Variants in PKP4 observed in about 807,000 individuals in gnomAD.
PKP4 encodes the protein plakophilin-4.
PKP4 carries 90 observed loss-of-function variants against 145.1 expected under a neutral mutation model. That is an observed-to-expected ratio of 0.62 (90% CI 0.52 to 0.74). The LOEUF is 0.74. Ranked by LOEUF, PKP4 falls within the 30% of genes least tolerant of loss-of-function variation. The probability of loss-of-function intolerance (pLI) is 0.00; values close to 1 mark genes in which losing one functional copy is unlikely to be tolerated. For missense variants in PKP4, 1,340 were observed against 1,482.7 expected (o/e 0.90, Z 1.58); for synonymous variants, 563 against 577.2 (o/e 0.98, Z 0.35).
At chr2:158,613,576 A>G (rs2051324751) in intron 4 of PKP4, among the ~76,000 whole-genome samples, 1 of 152,184 alleles carries the variant, frequency 6.6e-6, no homozygotes. Context: ...TTGGACAGCA[A>G]TAGTGTTAAA....
intron 1 of PKP4, among the ~76,000 whole-genome samples, chr2:158,487,724 A>G (rs1386774274): frequency 6.6e-6 from 1 of 151,176 alleles, no homozygotes; most frequent in Non-Finnish European, 1.5e-5. Context: ...GTACTGGACC[A>G]TTGCCCAGCA....
intron 3 of PKP4, among the ~76,000 whole-genome samples, chr2:158,597,412 A>G (rs752432651): frequency 7.9e-5 from 12 of 152,230 alleles, no homozygotes; most frequent in African/African-American, 1.9e-4. Context: ...GAATTAATAT[A>G]CTATCTTTAC....
intron 2 of PKP4, among the ~76,000 whole-genome samples, chr2:158,571,150 G>A (rs1026567676): frequency 1.3e-5 from 2 of 152,166 alleles, no homozygotes; most frequent in Admixed American, 6.5e-5. Context: ...CATCATAATT[G>A]TAGTAGCTAT....
intron 8 of PKP4, among the ~76,000 whole-genome samples, chr2:158,633,498 A>G (rs986949143): frequency 2.6e-5 from 4 of 152,246 alleles, no homozygotes; most frequent in Non-Finnish European, 4.4e-5. Flanking sequence ...CACAGATTTC[A>G]TCATGTTACT....
At chr2:158,545,929 A>T (rs193123664) in intron 2 of PKP4, among the ~76,000 whole-genome samples, 1 of 152,330 alleles carries the variant, frequency 6.6e-6, no homozygotes, top group Admixed American at 6.5e-5. Flanking sequence ...AATTGGAAGC[A>T]TATTTTTGGT....
chr2:158,625,259 T>C lies in PKP4; in HGVS notation c.985T>C (p.Ser329Pro), dbSNP rs1267000611. 1.2e-6 allele frequency: 2 copies of C among 1,614,034 alleles called. No individual in the cohort carries two copies. Among genetic ancestry groups the C allele is most frequent in the Non-Finnish European group, 1.7e-6 (2 of 1,180,002 alleles). The stretch of plus-strand genomic sequence containing the variant: ...TGCACAGACTCGAGTAGCTTCCCCA[T>C]CCCAAGGCCAGGTGGGGTCGTCGTC... ...TDAQTRVASPSQGQVGSSSPK... is the reference protein window; with the variant it reads ...TDAQTRVASPPQGQVGSSSPK... The change falls in exon 7 of 22, where the codon TCC becomes CCC. Residue 329 changes from serine (S) to proline (P), a missense_variant. Coordinates refer to ENST00000389759, the MANE Select transcript of PKP4 (RefSeq NM_003628.6).
intron 2 of PKP4, among the ~76,000 whole-genome samples, chr2:158,559,241 A>G (rs1054815770): frequency 1.3e-5 from 2 of 151,814 alleles, no homozygotes; most frequent in Non-Finnish European, 2.9e-5. Flanking sequence ...GAGAATTGGG[A>G]TCAACCCATA....
intron 2 of PKP4, among the ~76,000 whole-genome samples, chr2:158,573,654 C>CAA (rs56145817): frequency 0.12 from 14,892 of 127,852 alleles, 1,014 homozygotes; most frequent in African/African-American, 0.19. Flanking sequence ...AAATGGAAGC[C>CAA]AAAAAAAAAA....
Position 158,658,114 on chromosome 2 carries a change from T to A in PKP4, c.1910-17T>A. 1.4e-6 allele frequency: 2 copies of A among 1,467,382 alleles called. No individual in the cohort carries two copies. Among genetic ancestry groups the A allele is most frequent in the Non-Finnish European group, 1.9e-6 (2 of 1,057,580 alleles). 90.9% of individuals were successfully genotyped at this position (1,467,382 alleles called of 1,614,324 possible). A position where few individuals can be genotyped will look rare whatever the true frequency, so the allele number is the denominator to read the frequency against. On this transcript the variant is annotated splice_polypyrimidine_tract_variant and intron_variant, in intron 11 of 21. Transcript: ENST00000389759. ...CAGGATCTCTATTTGTTTGATTTTT[T>A]AAATCTCCTTTTTTAGGAGTTCTTT...
In PKP4 at chr2:158,497,459, T is replaced by C. The variant is rs114920647; in HGVS notation, c.-5-35721T>C. Among the ~76,000 whole-genome samples the C allele has an allele frequency of 4.6e-3, 702 of 152,200 alleles. 7 individuals carry two copies. Among genetic ancestry groups the C allele is most frequent in the African/African-American group, 0.016 (665 of 41,538 alleles). ...CTAGATAAGAATCACACAGAGAAAA[T>C]AGATACTGATTTAGGAGTTATATTC... On this transcript the variant is annotated intron_variant, in intron 1 of 21. Coordinates refer to ENST00000389759, the MANE Select transcript of PKP4 (RefSeq NM_003628.6).
intron 2 of PKP4, among the ~76,000 whole-genome samples, chr2:158,566,664 A>G: frequency 6.6e-6 from 1 of 152,178 alleles, no homozygotes; most frequent in Non-Finnish European, 1.5e-5. Flanking sequence ...AATGGTTGTC[A>G]TTGACAACTA....
chr2:158,487,166 T>A (rs1694284761), intron 1 of PKP4, among the ~76,000 whole-genome samples: 1 of 152,216 alleles, frequency 6.6e-6, no homozygotes, highest in African/African-American at 2.4e-5. Flanking sequence ...ATTTTCACAC[T>A]GCCTGTCAGC....
Position 158,535,936 on chromosome 2 carries a change from G to C in PKP4, c.132+2620G>C, listed in dbSNP as rs374254854. ...CTTGGAAAGATTTCTTAACCTTTCT[G>C]TTCTCAGTTTGCTCATTTATAAGAT... On this transcript the variant is annotated intron_variant, in intron 2 of 21. Transcript: ENST00000389759. 4.6e-4 allele frequency among the ~76,000 whole-genome samples: 70 copies of C among 152,244 alleles called. 1 individual carries two copies. The East Asian group carries it at 7.2e-3, about 16-fold the overall frequency.
At position 158,680,801 on chromosome 2, in the gene PKP4, T is replaced by G. The variant is rs1452408325; in HGVS notation, c.*124T>G. The G allele has an allele frequency of 3.5e-5, 30 of 848,852 alleles. No individual in the cohort carries two copies. In the South Asian group the frequency reaches 3.9e-4, roughly 11 times the overall value. The allele number at this position is 848,852 out of a possible 1,614,324, so 52.6% of individuals were successfully genotyped here. On this transcript the variant is annotated 3_prime_UTR_variant, in exon 22 of 22. Coordinates refer to ENST00000389759, the MANE Select transcript of PKP4 (RefSeq NM_003628.6). ...AAGTGGAAGGAATGAATGAAGTGTG[T>G]TTTTTTTTTCTTTTTTGAGGAATTA... is the stretch of plus-strand genomic sequence containing the variant.
At chr2:158,600,997 G>C (rs895741922) in intron 3 of PKP4, among the ~76,000 whole-genome samples, 1 of 152,046 alleles carries the variant, frequency 6.6e-6, no homozygotes, top group African/African-American at 2.4e-5. Context: ...ACCTAGACTC[G>C]GGGAGAATAA....
chr2:158,599,251 G>A (rs985873445), intron 3 of PKP4, among the ~76,000 whole-genome samples: 4 of 152,162 alleles, frequency 2.6e-5, no homozygotes, highest in African/African-American at 9.7e-5. Flanking sequence ...GAATGACCCA[G>A]CCAAAAGAGG....
At chr2:158,577,527 A>G (rs1367390918) in intron 3 of PKP4, 144 bp downstream of exon 3, 2 of 608,400 alleles carry the variant, frequency 3.3e-6, no homozygotes, top group Admixed American at 3.1e-5. Context: ...CATTTATTCT[A>G]ATTTTGAGAA....
chr2:158,583,351 A>G (rs1311204121), intron 3 of PKP4, among the ~76,000 whole-genome samples: 1 of 152,184 alleles, frequency 6.6e-6, no homozygotes, highest in Non-Finnish European at 1.5e-5. Flanking sequence ...CCTCCACTCC[A>G]AGGACACTGA....
intron 2 of PKP4, among the ~76,000 whole-genome samples, chr2:158,537,061 T>A (rs1314223750): frequency 6.6e-6 from 1 of 152,196 alleles, no homozygotes; most frequent in Non-Finnish European, 1.5e-5. Flanking sequence ...AATGAATAGA[T>A]AATACTTACT....
Sources: allele counts gnomAD v4.1 joint callset (sites outside exome capture counted in the v4.1 genomes callset), GRCh38; gene constraint gnomAD v4.1.1; transcripts MANE v1.5; gene names NCBI Gene and HGNC (gene_info 2026-07-23, HGNC 2026-07-21).